The following IGSF11 variants were observed in gnomAD, a reference collection of about 807,000 sequenced individuals.
IGSF11 encodes the protein immunoglobulin superfamily member 11, also known as CXADR like 1.
Under a neutral mutation model 41.0 loss-of-function variants are expected in IGSF11, and 22 were observed. That is an observed-to-expected ratio of 0.54 (90% CI 0.38 to 0.77). The LOEUF is 0.77. Ranked by LOEUF, IGSF11 falls within the 30% of genes least tolerant of loss-of-function variation. The probability of loss-of-function intolerance (pLI) is 0.00; values close to 1 mark genes in which losing one functional copy is unlikely to be tolerated. For missense variants in IGSF11, 444 were observed against 530.8 expected (o/e 0.84, Z 1.61); for synonymous variants, 219 against 201.3 (o/e 1.09, Z -0.74).
chr3:119,048,052 T>C (rs1407074918), intron 1 of IGSF11, among the ~76,000 whole-genome samples: 1 of 150,024 alleles, frequency 6.7e-6, no homozygotes, highest in Non-Finnish European at 1.5e-5. Context: ...GCAGGAAAGA[T>C]CCAAAATTGA....
At chr3:118,943,835 AC>A (rs1247980315) in intron 1 of IGSF11, among the ~76,000 whole-genome samples, 3 of 152,172 alleles carry the variant, frequency 2.0e-5, no homozygotes, top group Admixed American at 6.5e-5. Flanking sequence ...TGTACTCTCA[AC>A]TTCACCACTT....
chr3:119,047,717 C>A (rs1199568923), intron 1 of IGSF11, among the ~76,000 whole-genome samples: 2 of 152,048 alleles, frequency 1.3e-5, no homozygotes, highest in African/African-American at 4.8e-5. Context: ...CCACACCACA[C>A]CTATTCCAAA....
chr3:118,931,051 G>C (rs1357477009), intron 1 of IGSF11, among the ~76,000 whole-genome samples: 1 of 152,190 alleles, frequency 6.6e-6, no homozygotes, highest in Non-Finnish European at 1.5e-5. Flanking sequence ...ACAGGGTTGA[G>C]AGTACTGAAA....
chr3:118,968,823 A>T (rs1244464131), intron 1 of IGSF11, among the ~76,000 whole-genome samples: 1 of 152,254 alleles, frequency 6.6e-6, no homozygotes, highest in Admixed American at 6.5e-5. Context: ...GTTTCTAAAA[A>T]TAGGCAAGTC....
At chr3:118,996,668 C>T (rs377195695) in intron 1 of IGSF11, among the ~76,000 whole-genome samples, 7 of 151,764 alleles carry the variant, frequency 4.6e-5, no homozygotes, top group East Asian at 1.9e-4. Context: ...GGTGCGATCT[C>T]GGCTCACTGC....
chr3:119,058,000 G>C (rs934886792), intron 1 of IGSF11, among the ~76,000 whole-genome samples: 7 of 152,180 alleles, frequency 4.6e-5, no homozygotes, highest in African/African-American at 1.2e-4. Context: ...TTACATGTTA[G>C]ACCTAAAACC....
chr3:119,039,570 G>A (rs991921816), upstream of IGSF11, among the ~76,000 whole-genome samples: 1 of 152,176 alleles, frequency 6.6e-6, no homozygotes, highest in Non-Finnish European at 1.5e-5. Context: ...AGGAAGTGGG[G>A]AATCCCATTT....
chr3:119,052,277 C>T (rs947099678), intron 1 of IGSF11, among the ~76,000 whole-genome samples: 21 of 152,052 alleles, frequency 1.4e-4, no homozygotes, highest in East Asian at 7.7e-4. Context: ...GCCAGGAGTT[C>T]GAGACAAGTC....
intron 4 of IGSF11, among the ~76,000 whole-genome samples, chr3:118,918,596 A>T (rs796935604): frequency 1.5e-3 from 189 of 126,278 alleles, no homozygotes; most frequent in African/African-American, 2.4e-3. Flanking sequence ...CCACTGCTCA[A>T]TGAAATAAAA....
At chr3:119,058,556 G>T (rs868281759) in intron 1 of IGSF11, among the ~76,000 whole-genome samples, 3 of 152,242 alleles carry the variant, frequency 2.0e-5, no homozygotes, top group Non-Finnish European at 2.9e-5. Context: ...CATTGTGGAA[G>T]TCAGTGTGGC....
intron 1 of IGSF11, among the ~76,000 whole-genome samples, chr3:119,139,451 T>A (rs2077609687): frequency 6.6e-6 from 1 of 152,226 alleles, no homozygotes; most frequent in Non-Finnish European, 1.5e-5. Flanking sequence ...AATAATTGAA[T>A]CACAGGGGTG....
intron 1 of IGSF11, among the ~76,000 whole-genome samples, chr3:119,015,081 T>C (rs1190163926): frequency 6.6e-6 from 1 of 152,180 alleles, no homozygotes; most frequent in Non-Finnish European, 1.5e-5. Context: ...AGACATTATC[T>C]AGGATGATGT....
chr3:119,075,114 C>G (rs1171577839), intron 1 of IGSF11, among the ~76,000 whole-genome samples: 1 of 151,878 alleles, frequency 6.6e-6, no homozygotes, highest in Admixed American at 6.6e-5. Flanking sequence ...AAAAGAGAAT[C>G]CAAATAGACA....
intron 1 of IGSF11, among the ~76,000 whole-genome samples, chr3:119,013,475 G>C (rs1938360185): frequency 6.6e-6 from 1 of 152,204 alleles, no homozygotes; most frequent in Non-Finnish European, 1.5e-5. Context: ...GTAACAAAGA[G>C]AAGTAATGTC....
chr3:118,984,245 G>A (rs1013545412), intron 1 of IGSF11, among the ~76,000 whole-genome samples: 1 of 150,800 alleles, frequency 6.6e-6, no homozygotes, highest in Non-Finnish European at 1.5e-5. Context: ...CTTATAACCA[G>A]AAAAAGCAAA....
chr3:118,942,923 G>A (rs1223662903), intron 1 of IGSF11: 1 of 152,274 alleles, frequency 6.6e-6, no homozygotes, highest in Non-Finnish European at 1.5e-5. Flanking sequence ...AATACTACTG[G>A]GAGGGGAATG....
chr3:119,069,073 C>T (rs138780998), intron 1 of IGSF11, among the ~76,000 whole-genome samples: 4,049 of 151,700 alleles, frequency 0.027, 167 homozygotes, highest in African/African-American at 0.093. Context: ...ACTACAGGCA[C>T]CCACCACCAT....
intron 1 of IGSF11, among the ~76,000 whole-genome samples, chr3:119,097,184 G>A (rs1388696046): frequency 6.6e-6 from 1 of 152,044 alleles, no homozygotes; most frequent in East Asian, 1.9e-4. Context: ...GACATCTTTG[G>A]GAGCCCCTAT....
At chr3:118,906,851 T>C (rs1939666308) in intron 4 of IGSF11, among the ~76,000 whole-genome samples, 1 of 152,196 alleles carries the variant, frequency 6.6e-6, no homozygotes, top group South Asian at 2.1e-4. Context: ...CTGAGGTATT[T>C]TTATTATTAA....
Sources: allele counts gnomAD v4.1 joint callset (sites outside exome capture counted in the v4.1 genomes callset), GRCh38; gene constraint gnomAD v4.1.1; transcripts MANE v1.5; gene names NCBI Gene and HGNC (gene_info 2026-07-23, HGNC 2026-07-21).